The following CEP128 variants were observed in gnomAD, a reference collection of about 807,000 sequenced individuals.
CEP128 encodes centrosomal protein 128, also known as centrosomal protein 128kDa.
In CEP128, 132 loss-of-function variants were observed where a neutral mutation model predicts 156.7. The observed-to-expected ratio is 0.84, with a 90% confidence interval of 0.73 to 0.97. The LOEUF is 0.97. CEP128 is among the 50% of genes least tolerant of loss of function. CEP128 has a pLI of 0.00. For synonymous variants in CEP128, 469 were observed against 448.9 expected, an observed-to-expected ratio of 1.04 and a Z score of -0.57; for missense variants, 1,252 against 1,281.9, an observed-to-expected ratio of 0.98 and a Z score of 0.36.
intron 19 of CEP128, among the ~76,000 whole-genome samples, chr14:80,665,356 GTTAA>G (rs33939284): frequency 0.42 from 63,820 of 151,586 alleles, 14,088 homozygotes; most frequent in East Asian, 0.65. Flanking sequence ...AGACATGGAA[GTTAA>G]TTAACTTGGG....
At chr14:80,808,653 A>G (rs1368582839) in intron 13 of CEP128, among the ~76,000 whole-genome samples, 1 of 152,128 alleles carries the variant, frequency 6.6e-6, no homozygotes, top group East Asian at 1.9e-4. Context: ...ATGAAGACCG[A>G]AAGACTTACC....
At position 80,729,056 on chromosome 14, in the gene CEP128, GGGGTGTGTGTGTGTGTGTGTGTGT is replaced by G. The variant is rs1454942800; in HGVS notation, c.2806+13995_2806+14018del. 3.8e-3 allele frequency among the ~76,000 whole-genome samples: 333 copies of G among 88,212 alleles called. 13 individuals are homozygous for G. Among genetic ancestry groups the G allele is most frequent in the African/African-American group, 0.013 (320 of 24,070 alleles). 57.9% of individuals were successfully genotyped at this position (88,212 alleles called of 152,430 possible). On this transcript the variant is annotated intron_variant, in intron 19 of 24. Coordinates refer to ENST00000555265, the MANE Select transcript of CEP128 (RefSeq NM_152446.5). ...GCCCTAGTCCCAGGCTGGGCTGGTG[GGGGTGTGTGTGTGTGTGTGTGTGT>G]GTGTGTGTGTGTGTGTGTGTGTGTG...
At chr14:80,916,228 G>A (rs12434318) in intron 3 of CEP128, among the ~76,000 whole-genome samples, 173 bp downstream of exon 3, 59,555 of 152,044 alleles carry the variant, frequency 0.39, 11,896 homozygotes, top group South Asian at 0.52. Context: ...GACCCAGTGA[G>A]ACCAGTGTTG....
At chr14:80,743,876 C>CT (rs34446741) in intron 18 of CEP128, among the ~76,000 whole-genome samples, 15,663 of 143,324 alleles carry the variant, frequency 0.11, 1,268 homozygotes, top group East Asian at 0.43. Flanking sequence ...CTCTCTCACT[C>CT]TTTTTTTTTT....
chr14:80,764,365 G>A (rs1274178305), intron 16 of CEP128, among the ~76,000 whole-genome samples: 1 of 151,994 alleles, frequency 6.6e-6, no homozygotes, highest in Non-Finnish European at 1.5e-5. Flanking sequence ...CGGGCGCGGT[G>A]GCAGGCGCCT....
intron 10 of CEP128, among the ~76,000 whole-genome samples, chr14:80,839,085 C>T (rs944530667): frequency 2.6e-5 from 4 of 152,060 alleles, no homozygotes; most frequent in African/African-American, 7.2e-5. Flanking sequence ...GGCAACAGAG[C>T]GAGACTCCGT....
chr14:80,572,963 G>A (rs1320546208), intron 20 of CEP128, among the ~76,000 whole-genome samples: 1 of 152,114 alleles, frequency 6.6e-6, no homozygotes, highest in Admixed American at 6.6e-5. Flanking sequence ...TGCTCTGTTG[G>A]CCAGGCTAGA....
chr14:80,827,300 T>C (rs537942190), intron 13 of CEP128, among the ~76,000 whole-genome samples: 1 of 152,290 alleles, frequency 6.6e-6, no homozygotes, highest in Non-Finnish European at 1.5e-5. Flanking sequence ...GCACCTAGTA[T>C]AGGTAAGACT....
rs148391366 is a variant in CEP128, at chr14:80,614,362, C to G, written c.2807-33939G>C. On this transcript the variant is annotated intron_variant, in intron 19 of 24. Coordinates refer to ENST00000555265, the MANE Select transcript of CEP128 (RefSeq NM_152446.5). ...TGATACTGCTGACTACATTCCTATA[C>G]GCCAGGCTTACCCCCTTCCTTTGGC... 7.2e-5 allele frequency among the ~76,000 whole-genome samples: 11 copies of G among 152,282 alleles called. 1 individual carries two copies. The South Asian group carries it at 2.3e-3, about 32-fold the overall frequency.
intron 19 of CEP128, among the ~76,000 whole-genome samples, chr14:80,612,936 G>A (rs1368941156): frequency 1.3e-5 from 2 of 151,808 alleles, no homozygotes; most frequent in Non-Finnish European, 2.9e-5. Flanking sequence ...CACCTCCCGG[G>A]TTCAAGCAAT....
At chr14:80,529,100 C>G (rs1258703740) in intron 22 of CEP128, among the ~76,000 whole-genome samples, 1 of 152,186 alleles carries the variant, frequency 6.6e-6, no homozygotes, top group Non-Finnish European at 1.5e-5. Context: ...AGTTTATGGG[C>G]TCCAAGCTTC....
intron 20 of CEP128, among the ~76,000 whole-genome samples, chr14:80,578,357 C>T (rs887538552): frequency 1.3e-5 from 2 of 151,936 alleles, no homozygotes; most frequent in African/African-American, 4.8e-5. Flanking sequence ...TACCCCCTAC[C>T]CCTAAGGAGA....
At chr14:80,651,732 T>G (rs1010798272) in intron 19 of CEP128, among the ~76,000 whole-genome samples, 1 of 152,134 alleles carries the variant, frequency 6.6e-6, no homozygotes, top group Admixed American at 6.6e-5. Context: ...TTGTTTTGAG[T>G]GAGTTTCTTA....
intron 21 of CEP128, among the ~76,000 whole-genome samples, chr14:80,551,939 T>C (rs1361833344): frequency 2.0e-5 from 3 of 152,198 alleles, no homozygotes; most frequent in Non-Finnish European, 4.4e-5. Context: ...AATCTTAAAT[T>C]ACTCCTTTGC....
rs563193315 is a variant in CEP128 at position 80,776,384 on chromosome 14, T to C, written c.2376+1498A>G. ...ACTAAATGACAGCTGTTTTCAAGAC[T>C]ATAGGCCTAAATTTAGCAACATAAG... is the stretch of plus-strand genomic sequence containing the variant. On this transcript the variant is annotated intron_variant, in intron 16 of 24. Coordinates refer to ENST00000555265, the MANE Select transcript of CEP128 (RefSeq NM_152446.5). Among the ~76,000 whole-genome samples the C allele has an allele frequency of 2.0e-5, 3 of 151,760 alleles. No homozygotes were observed. In the East Asian group the frequency reaches 5.8e-4, roughly 29 times the overall value.
intron 23 of CEP128, among the ~76,000 whole-genome samples, chr14:80,511,890 T>C (rs979317939): frequency 6.6e-6 from 1 of 152,002 alleles, no homozygotes; most frequent in East Asian, 1.9e-4. Context: ...CATGTGTTTG[T>C]ATAGTTTCCA....
intron 12 of CEP128, 66 bp downstream of exon 12, chr14:80,836,139 T>G (rs1157877665): frequency 6.1e-6 from 9 of 1,475,666 alleles, no homozygotes; most frequent in Non-Finnish European, 8.4e-6. Flanking sequence ...TGAAAAGTAT[T>G]TTCTAAGAAA....
intron 9 of CEP128, among the ~76,000 whole-genome samples, chr14:80,861,536 C>G (rs1887511210): frequency 6.6e-6 from 1 of 151,988 alleles, no homozygotes; most frequent in Non-Finnish European, 1.5e-5. Context: ...TAACCTGAAT[C>G]TAGTCATGAA....
chr14:80,644,059 G>A (rs146286685), intron 19 of CEP128, among the ~76,000 whole-genome samples: 129 of 152,270 alleles, frequency 8.5e-4, no homozygotes, highest in African/African-American at 2.8e-3. Flanking sequence ...GCCATGTGAA[G>A]ACAAAGGAAG....
Sources: gnomAD v4.1 joint callset for allele counts (sites outside exome capture counted in the v4.1 genomes callset) on GRCh38, gnomAD v4.1.1 for gene constraint, MANE v1.5 for transcripts, NCBI Gene and HGNC (gene_info 2026-07-23, HGNC 2026-07-21) for gene names.